NHERF1: variants seen among roughly 807,000 people sequenced by gnomAD.
The protein encoded by NHERF1 is Na(+)/H(+) exchange regulatory cofactor NHE-RF1.
the NHERF1 span, among the ~76,000 whole-genome samples, chr17:74,755,735 C>G: frequency 6.6e-6 from 1 of 152,112 alleles, no homozygotes; most frequent in African/African-American, 2.4e-5. Context: ...TCTGTGCTGT[C>G]CGGGCAGCAG....
chr17:74,764,528 C>T, the NHERF1 span, among the ~76,000 whole-genome samples: 1 of 152,100 alleles, frequency 6.6e-6, no homozygotes, highest in Admixed American at 6.5e-5. The surrounding 1 kb of genome is among the most constrained non-coding windows in gnomAD (Gnocchi z 4.9). Context: ...AGACTAAGGC[C>T]CAGAGAAGCC....
the NHERF1 span, among the ~76,000 whole-genome samples, chr17:74,766,376 C>T: frequency 1.3e-5 from 2 of 151,526 alleles, no homozygotes; most frequent in East Asian, 3.9e-4. Context: ...TTCTTTTTGT[C>T]TTTTTTAGTA....
the NHERF1 span, chr17:74,767,937 G>A: frequency 1.5e-6 from 1 of 676,898 alleles, no homozygotes; most frequent in Non-Finnish European, 2.7e-6. Context: ...CCTCCAGCCT[G>A]AGCAGTAGAA....
At chr17:74,759,345 A>G in the NHERF1 span, among the ~76,000 whole-genome samples, 2 of 152,232 alleles carry the variant, frequency 1.3e-5, no homozygotes, top group Admixed American at 1.3e-4. Flanking sequence ...GGCAGAGCGG[A>G]GCAAGGCTCA....
At chr17:74,754,197 G>A in the NHERF1 span, among the ~76,000 whole-genome samples, 79 of 151,792 alleles carry the variant, frequency 5.2e-4, no homozygotes, top group African/African-American at 1.8e-3. Context: ...AAGCTCAGCC[G>A]AGGTCTTGTT....
chr17:74,758,921 G>A, the NHERF1 span, among the ~76,000 whole-genome samples: 1 of 152,170 alleles, frequency 6.6e-6, no homozygotes, highest in African/African-American at 2.4e-5. This position sits in a 1 kb window ranked among gnomAD's most constrained non-coding sequence, Gnocchi z 4.3. Context: ...GGACTCCCCT[G>A]CCAGCCCCAG....
At chr17:74,769,325 C>A in the NHERF1 span, 1 of 152,314 alleles carries the variant, frequency 6.6e-6, no homozygotes, top group African/African-American at 2.4e-5. Context: ...TAAGGAAACA[C>A]TTTCAGAAAT....
the NHERF1 span, among the ~76,000 whole-genome samples, chr17:74,758,053 G>T: frequency 2.6e-5 from 4 of 152,302 alleles, no homozygotes; most frequent in East Asian, 1.9e-4. The surrounding 1 kb of genome is among the most constrained non-coding windows in gnomAD (Gnocchi z 4.3). Flanking sequence ...CCAGGGAGGG[G>T]CTGGGCCCAA....
chr17:74,749,779 C>T, the NHERF1 span, among the ~76,000 whole-genome samples: 2 of 152,350 alleles, frequency 1.3e-5, no homozygotes, highest in African/African-American at 2.4e-5. The surrounding 1 kb of genome is among the most constrained non-coding windows in gnomAD (Gnocchi z 5.6). Flanking sequence ...CTGTGTGGAG[C>T]CCCGGCGCGA....
chr17:74,755,197 G>A, the NHERF1 span, among the ~76,000 whole-genome samples: 1 of 152,198 alleles, frequency 6.6e-6, no homozygotes, highest in African/African-American at 2.4e-5. Flanking sequence ...ATAAATTCAG[G>A]CTGCTTGAAC....
chr17:74,762,590 T>C, the NHERF1 span, among the ~76,000 whole-genome samples: 1 of 152,010 alleles, frequency 6.6e-6, no homozygotes, highest in African/African-American at 2.4e-5. This position sits in a 1 kb window ranked among gnomAD's most constrained non-coding sequence, Gnocchi z 4.2. Context: ...AGTCTCGCTT[T>C]GTTGCCCAGG....
chr17:74,757,342 C>A, the NHERF1 span, among the ~76,000 whole-genome samples: 1 of 152,058 alleles, frequency 6.6e-6, no homozygotes, highest in African/African-American at 2.4e-5. Flanking sequence ...CAGTGAGTGA[C>A]TTTTTTTAAA....
chr17:74,762,743 A>G, the NHERF1 span, among the ~76,000 whole-genome samples: 1 of 152,030 alleles, frequency 6.6e-6, no homozygotes, highest in Admixed American at 6.6e-5. This position sits in a 1 kb window ranked among gnomAD's most constrained non-coding sequence, Gnocchi z 4.2. Context: ...TTTTTAGTAG[A>G]GACAGGATTT....
the NHERF1 span, chr17:74,768,769 C>G: frequency 1.2e-6 from 1 of 861,664 alleles, no homozygotes; most frequent in Non-Finnish European, 1.8e-6. Context: ...CCCACATCCC[C>G]TTTCTTGACA....
At chr17:74,768,188 C>T in the NHERF1 span, 1 of 1,613,398 alleles carries the variant, frequency 6.2e-7, no homozygotes, top group Non-Finnish European at 8.5e-7. Context: ...CCTTGGAGAG[C>T]CCCAGGCCAG....
chr17:74,766,602 TTGTG>T, the NHERF1 span, among the ~76,000 whole-genome samples: 1 of 152,034 alleles, frequency 6.6e-6, no homozygotes, highest in African/African-American at 2.4e-5. Flanking sequence ...CACAAAATCT[TTGTG>T]TGTGCTGAGT....
At chr17:74,766,880 T>C in the NHERF1 span, 2 of 1,573,842 alleles carry the variant, frequency 1.3e-6, no homozygotes, top group Non-Finnish European at 1.7e-6. Context: ...CTACCTCCTC[T>C]CCACGCTCTA....
chr17:74,757,495 C>T, the NHERF1 span, among the ~76,000 whole-genome samples: 7 of 152,092 alleles, frequency 4.6e-5, no homozygotes, highest in African/African-American at 1.7e-4. Flanking sequence ...TGTACCTCAC[C>T]TAGGGTAAGG....
chr17:74,749,211 C>G, the NHERF1 span: 1 of 1,524,574 alleles, frequency 6.6e-7, no homozygotes, highest in South Asian at 1.2e-5. The surrounding 1 kb of genome is among the most constrained non-coding windows in gnomAD (Gnocchi z 5.6). Flanking sequence ...CAGGCCGAGC[C>G]GCCGGCCGCC....
Sources: gnomAD v4.1 joint callset for allele counts (sites outside exome capture counted in the v4.1 genomes callset) on GRCh38, gnomAD v4.1.1 for gene constraint, Gnocchi (gnomAD v3.1) non-coding constraint, MANE v1.5 for transcripts, NCBI Gene and HGNC (gene_info 2026-07-23, HGNC 2026-07-21) for gene names.